Variants in CRYL1 observed in about 807,000 individuals in gnomAD.
CRYL1 encodes the protein lambda-crystallin homolog.
CRYL1 carries 29 observed loss-of-function variants against 36.6 expected under a neutral mutation model. The observed-to-expected ratio is 0.79, with a 90% CI of 0.59 to 1.08. The LOEUF (loss-of-function observed/expected upper bound fraction) is 1.08. Among genes scored for constraint, CRYL1 ranks in the 50% least tolerant of loss-of-function variants. The pLI is 0.00. For missense variants in CRYL1, 411 were observed against 407.9 expected (o/e 1.01, Z -0.06); for synonymous variants, 152 against 151.5 (o/e 1.00, Z -0.02).
intron 5 of CRYL1, among the ~76,000 whole-genome samples, chr13:20,424,999 A>G (rs1358550914): frequency 6.6e-6 from 1 of 152,192 alleles, no homozygotes; most frequent in Admixed American, 6.5e-5. Flanking sequence ...ACTTCCCTAC[A>G]CACTGGGCCC....
Position 20,481,513 on chromosome 13 carries a change from A to G in CRYL1, c.276+7857T>C, listed in dbSNP as rs2033275507. Among the ~76,000 whole-genome samples, 3 of 152,304 alleles carry G rather than the reference A, an allele frequency of 2.0e-5. No homozygotes were observed. In the South Asian group the frequency reaches 6.2e-4, roughly 32 times the overall value. On this transcript the variant is annotated intron_variant, in intron 3 of 7. Transcript: ENST00000298248. The surrounding 1 kb of genome is among the most constrained non-coding windows in gnomAD (Gnocchi z 4.1). ...AGCTGTGACGCTGATTTCATACGTG[A>G]CTGTACGCATCTGTCAGACACATAG... is the stretch of plus-strand genomic sequence containing the variant.
At chr13:20,426,599 T>C (rs533707774) in intron 5 of CRYL1, 5 of 680,478 alleles carry the variant, frequency 7.3e-6, no homozygotes, top group African/African-American at 5.9e-5. Flanking sequence ...GAGACACACA[T>C]AGAGACACAC....
intron 2 of CRYL1, among the ~76,000 whole-genome samples, chr13:20,510,611 CTTTT>C (rs56145129): frequency 4.8e-4 from 64 of 134,052 alleles, no homozygotes; most frequent in African/African-American, 7.7e-4. Flanking sequence ...CCAAGTGAAT[CTTTT>C]TTTTTTTTTT....
At chr13:20,493,166 A>AC (rs2033543398) in intron 2 of CRYL1, among the ~76,000 whole-genome samples, 1 of 152,158 alleles carries the variant, frequency 6.6e-6, no homozygotes, top group South Asian at 2.1e-4. Flanking sequence ...GCTGTCAAGC[A>AC]CCCCTTGGAA....
intron 2 of CRYL1, among the ~76,000 whole-genome samples, chr13:20,494,570 G>A (rs367835121): frequency 1.3e-5 from 2 of 152,172 alleles, no homozygotes; most frequent in Non-Finnish European, 1.5e-5. Context: ...ATGTCTGAGC[G>A]CCTGATGTGC....
At chr13:20,457,691 C>T (rs939241330) in intron 3 of CRYL1, among the ~76,000 whole-genome samples, 12 of 152,192 alleles carry the variant, frequency 7.9e-5, no homozygotes, top group Admixed American at 7.2e-4. Context: ...CCTGGTCATT[C>T]AGCTCCCTAA....
chr13:20,444,657 C>T lies in CRYL1; in HGVS notation c.277-4903G>A, dbSNP rs147933677. Among the ~76,000 whole-genome samples the T allele has an allele frequency of 3.9e-5, 6 of 152,274 alleles. No individual in the cohort carries two copies. In the East Asian group the frequency reaches 1.2e-3, roughly 29 times the overall value. On this transcript the variant is annotated intron_variant, in intron 3 of 7. Coordinates refer to ENST00000298248, the MANE Select transcript of CRYL1 (RefSeq NM_015974.3). Reference sequence around the variant, plus strand: ...ACAACTGAAAATATTCCATTTAATCCTGCAATTATATAGTTTTACTGCATT... The same window carrying T: ...ACAACTGAAAATATTCCATTTAATCTTGCAATTATATAGTTTTACTGCATT...
chr13:20,436,900 T>G (rs144525659), intron 4 of CRYL1, among the ~76,000 whole-genome samples: 209 of 138,254 alleles, frequency 1.5e-3, no homozygotes, highest in Non-Finnish European at 2.6e-3. Flanking sequence ...GGCTCCTAGC[T>G]GGCCTGGGGG....
chr13:20,448,143 G>C (rs1388337606), intron 3 of CRYL1, among the ~76,000 whole-genome samples: 1 of 152,138 alleles, frequency 6.6e-6, no homozygotes, highest in Non-Finnish European at 1.5e-5. Flanking sequence ...GAAAAACAAA[G>C]TAACAGAGAT....
chr13:20,521,474 G>A (rs1254665188), intron 1 of CRYL1, among the ~76,000 whole-genome samples: 1 of 152,126 alleles, frequency 6.6e-6, no homozygotes, highest in Non-Finnish European at 1.5e-5. Context: ...CCTTACATCA[G>A]GCCCAAGAAT....
chr13:20,454,751 C>A (rs1001098747), intron 3 of CRYL1, among the ~76,000 whole-genome samples: 1 of 152,148 alleles, frequency 6.6e-6, no homozygotes, highest in Non-Finnish European at 1.5e-5. Flanking sequence ...TCTCAGCAAT[C>A]TAGGAATAGA....
chr13:20,432,994 G>A (rs1593440466), intron 4 of CRYL1, among the ~76,000 whole-genome samples: 1 of 152,296 alleles, frequency 6.6e-6, no homozygotes, highest in East Asian at 1.9e-4. Context: ...CTCCAGCCTA[G>A]GTGACAGTGC....
At chr13:20,412,214 G>T (rs924079264) in intron 6 of CRYL1, among the ~76,000 whole-genome samples, 2 of 151,892 alleles carry the variant, frequency 1.3e-5, no homozygotes, top group African/African-American at 4.8e-5. Context: ...GCCCAAACCT[G>T]TCTGTCTGCT....
intron 1 of CRYL1, among the ~76,000 whole-genome samples, chr13:20,524,230 T>TTG (rs766665652): frequency 8.5e-4 from 129 of 152,248 alleles, no homozygotes; most frequent in Admixed American, 1.6e-3. Context: ...CCTATTAAAA[T>TTG]TGTGTGTGTG....
At chr13:20,445,420 T>C (rs2032432011) in intron 3 of CRYL1, among the ~76,000 whole-genome samples, 1 of 152,158 alleles carries the variant, frequency 6.6e-6, no homozygotes, top group African/African-American at 2.4e-5. Flanking sequence ...ATACCAGGAA[T>C]AATAGTAACA....
chr13:20,430,439 G>A (rs1565961309), intron 5 of CRYL1: 5 of 985,190 alleles, frequency 5.1e-6, no homozygotes, highest in South Asian at 4.7e-5. Flanking sequence ...GAATGTTCCC[G>A]CTAGCCAGTA....
At chr13:20,477,165 A>C (rs1472171667) in intron 3 of CRYL1, among the ~76,000 whole-genome samples, 1 of 152,096 alleles carries the variant, frequency 6.6e-6, no homozygotes, top group Non-Finnish European at 1.5e-5. Flanking sequence ...CGTCTCAAAA[A>C]CAGCAACAAA....
chr13:20,454,865 G>T (rs2032647965), intron 3 of CRYL1, among the ~76,000 whole-genome samples: 1 of 152,014 alleles, frequency 6.6e-6, no homozygotes, highest in Non-Finnish European at 1.5e-5. Flanking sequence ...TGGGAATAAG[G>T]CAAGCTGTCT....
At chr13:20,472,752 G>C (rs1244784118) in intron 3 of CRYL1, among the ~76,000 whole-genome samples, 1 of 152,216 alleles carries the variant, frequency 6.6e-6, no homozygotes, top group Admixed American at 6.5e-5. Context: ...TCGCAGGGTG[G>C]GGATTCGCTC....
Sources: gnomAD v4.1 joint callset for allele counts (sites outside exome capture counted in the v4.1 genomes callset) on GRCh38, gnomAD v4.1.1 for gene constraint, Gnocchi (gnomAD v3.1) non-coding constraint, MANE v1.5 for transcripts, NCBI Gene and HGNC (gene_info 2026-07-23, HGNC 2026-07-21) for gene names.